Variants in EPHB1 observed in about 807,000 individuals in gnomAD.
The protein encoded by EPHB1 is ephrin type-B receptor 1.
Under a neutral mutation model 94.4 loss-of-function variants are expected in EPHB1, and 30 were observed. The ratio of observed to expected loss-of-function variants is 0.32; its 90% CI spans 0.24 to 0.43. The LOEUF is 0.43. Ranked by LOEUF, EPHB1 falls within the 20% of genes least tolerant of loss-of-function variation. The pLI, the probability that EPHB1 is intolerant of heterozygous loss-of-function variation, is 1.00. For synonymous variants in EPHB1, 522 were observed against 489.1 expected (o/e 1.07, Z -0.89); for missense variants, 1,055 against 1,308.3 (o/e 0.81, Z 2.99).
chr3:135,198,464 C>T (rs1942678312), intron 11 of EPHB1, among the ~76,000 whole-genome samples: 1 of 152,166 alleles, frequency 6.6e-6, no homozygotes, highest in African/African-American at 2.4e-5. Flanking sequence ...CTAATTGAGC[C>T]AAAGTTTAGG....
intron 5 of EPHB1, among the ~76,000 whole-genome samples, chr3:135,146,742 A>G (rs994111985): frequency 1.3e-5 from 2 of 152,188 alleles, no homozygotes; most frequent in African/African-American, 4.8e-5. Flanking sequence ...ACATATTTAT[A>G]TATCCTCTCA....
intron 1 of EPHB1, among the ~76,000 whole-genome samples, chr3:134,902,619 T>G (rs2038226480): frequency 6.6e-6 from 1 of 152,258 alleles, no homozygotes; most frequent in African/African-American, 2.4e-5. Context: ...GCAGGCAGAA[T>G]AAACACTCAG....
intron 1 of EPHB1, among the ~76,000 whole-genome samples, chr3:134,813,317 A>T (rs941815796): frequency 1.3e-5 from 2 of 152,154 alleles, no homozygotes; most frequent in Non-Finnish European, 2.9e-5. Flanking sequence ...GCTCAGTAGA[A>T]AGGAAGGGCA....
At chr3:134,941,528 T>G (rs2039115433) in intron 2 of EPHB1, among the ~76,000 whole-genome samples, 1 of 152,168 alleles carries the variant, frequency 6.6e-6, no homozygotes, top group East Asian at 1.9e-4. Flanking sequence ...ATTTCTTAGT[T>G]TGCTCATCCA....
intron 2 of EPHB1, among the ~76,000 whole-genome samples, chr3:134,928,920 G>A (rs143917277): frequency 2.0e-5 from 3 of 152,178 alleles, no homozygotes; most frequent in Non-Finnish European, 4.4e-5. Flanking sequence ...GGGCACAAAA[G>A]TGGCAAATGC....
chr3:135,175,364 T>A (rs746469790), intron 9 of EPHB1, among the ~76,000 whole-genome samples: 3 of 152,190 alleles, frequency 2.0e-5, no homozygotes, highest in Non-Finnish European at 4.4e-5. Flanking sequence ...GCTAAATCAT[T>A]TCTCCCCAAA....
chr3:135,003,904 C>G (rs567839316), intron 3 of EPHB1, among the ~76,000 whole-genome samples: 136 of 152,154 alleles, frequency 8.9e-4, no homozygotes, highest in African/African-American at 3.2e-3. Context: ...GGTCTTGACT[C>G]TTTATCCAAT....
intron 4 of EPHB1, among the ~76,000 whole-genome samples, chr3:135,129,818 G>A (rs916164850): frequency 3.3e-5 from 5 of 152,148 alleles, no homozygotes; most frequent in African/African-American, 4.8e-5. Flanking sequence ...TGATACAGAG[G>A]GAAAAGAACT....
chr3:134,890,055 C>G (rs2037945611), intron 1 of EPHB1, among the ~76,000 whole-genome samples: 1 of 152,134 alleles, frequency 6.6e-6, no homozygotes, highest in African/African-American at 2.4e-5. Flanking sequence ...TACCTACCAC[C>G]CAGATTCTGA....
At chr3:135,066,274 A>G (rs1937579287) in intron 3 of EPHB1, among the ~76,000 whole-genome samples, 1 of 152,218 alleles carries the variant, frequency 6.6e-6, no homozygotes. Flanking sequence ...GTTTTCCTCA[A>G]TTATTTCCCC....
At chr3:135,084,659 G>C (rs1044281443) in intron 3 of EPHB1, among the ~76,000 whole-genome samples, 1 of 152,170 alleles carries the variant, frequency 6.6e-6, no homozygotes, top group Non-Finnish European at 1.5e-5. Context: ...GCTGGCTGAG[G>C]TTCAGCTCCC....
intron 5 of EPHB1, among the ~76,000 whole-genome samples, chr3:135,140,350 A>G (rs780268855): frequency 1.1e-4 from 17 of 152,190 alleles, no homozygotes; most frequent in Admixed American, 2.0e-4. Context: ...CCAGGAGAGA[A>G]CGCCCTGTAT....
chr3:135,111,344 A>G (rs1259984896), intron 4 of EPHB1, among the ~76,000 whole-genome samples: 1 of 152,220 alleles, frequency 6.6e-6, no homozygotes, highest in South Asian at 2.1e-4. Context: ...CAAGCCCTGC[A>G]AGTAACTCTG....
chr3:135,212,169 T>G (rs1262418883), intron 12 of EPHB1, among the ~76,000 whole-genome samples: 2 of 152,232 alleles, frequency 1.3e-5, no homozygotes, highest in African/African-American at 4.8e-5. Context: ...AATCCTTTTT[T>G]ATAGTTTTCA....
At chr3:134,845,857 C>T (rs1331635197) in intron 1 of EPHB1, among the ~76,000 whole-genome samples, 1 of 152,182 alleles carries the variant, frequency 6.6e-6, no homozygotes, top group African/African-American at 2.4e-5. Flanking sequence ...CCATTTTTCA[C>T]AGAGGATGCA....
At position 135,110,996 on chromosome 3, in the gene EPHB1, A is replaced by G. The variant is rs1004965805; in HGVS notation, c.961+4393A>G. ...AAGCAGGGTGGATGGAGAAGAGTGC[A>G]TAGGGTTTAGAGGGTAGAAATGGCT... On this transcript the variant is annotated intron_variant, in intron 4 of 15. Coordinates refer to ENST00000398015, the MANE Select transcript of EPHB1 (RefSeq NM_004441.5). Among the ~76,000 whole-genome samples, 4 of 152,158 alleles carry G rather than the reference A, an allele frequency of 2.6e-5. No individual in the cohort carries two copies. The East Asian group carries it at 7.7e-4, about 29-fold the overall frequency.
At chr3:134,915,926 CTGGCTGGGG>C (rs2038559734) in intron 1 of EPHB1, among the ~76,000 whole-genome samples, 1 of 152,166 alleles carries the variant, frequency 6.6e-6, no homozygotes, top group Non-Finnish European at 1.5e-5. Flanking sequence ...GTTGCCACTG[CTGGCTGGGG>C]CAGCCTACTT....
At chr3:135,180,473 A>G (rs935073167) in intron 10 of EPHB1, among the ~76,000 whole-genome samples, 2 of 149,542 alleles carry the variant, frequency 1.3e-5, no homozygotes, top group African/African-American at 5.1e-5. Context: ...AAGTCAACCT[A>G]TCACCTTCTT....
chr3:135,216,726 GAAAAA>G (rs386397987), intron 12 of EPHB1, among the ~76,000 whole-genome samples: 9 of 105,010 alleles, frequency 8.6e-5, no homozygotes, highest in Middle Eastern at 6.8e-3. Context: ...CTGTCTCAGG[GAAAAA>G]AAAAAAAAAA....
Sources: allele counts gnomAD v4.1 joint callset (sites outside exome capture counted in the v4.1 genomes callset), GRCh38; gene constraint gnomAD v4.1.1; transcripts MANE v1.5; gene names NCBI Gene and HGNC (gene_info 2026-07-23, HGNC 2026-07-21).